Variants in GNL3L observed in about 807,000 individuals in gnomAD.
GNL3L encodes G protein nucleolar 3 like, also known as guanine nucleotide-binding protein-like 3-like protein.
GNL3L carries 4 observed loss-of-function variants against 42.9 expected under a neutral mutation model. The ratio of observed to expected loss-of-function variants is 0.09; its 90% CI spans 0.05 to 0.21. The LOEUF (loss-of-function observed/expected upper bound fraction) is 0.21, where lower values mean the gene tolerates loss of function less well. Ranked by LOEUF, GNL3L falls within the 10% of genes least tolerant of loss-of-function variation. GNL3L has a pLI of 1.00. For missense variants in GNL3L, 412 were observed against 481.7 expected, an observed-to-expected ratio of 0.86 and a Z score of 1.36; for synonymous variants, 159 against 176.3, an observed-to-expected ratio of 0.90 and a Z score of 0.78.
the GNL3L span, among the ~76,000 whole-genome samples, chrX:54,630,710 T>C: frequency 1.9e-5 from 1 of 53,545 alleles, no homozygotes; most frequent in South Asian, 1.1e-3. Flanking sequence ...TTCTTTCTTT[T>C]TCTTTCTTTC....
At chrX:54,620,425 A>G (rs1926273072) in intron 16 of GNL3L, among the ~76,000 whole-genome samples, 1 of 111,842 alleles carries the variant, frequency 8.9e-6, no homozygotes, top group African/African-American at 3.3e-5. Context: ...TTCACTTAAC[A>G]TAATGGCCTC....
intron 16 of GNL3L, among the ~76,000 whole-genome samples, chrX:54,604,169 T>A (rs2147528687): frequency 9.0e-6 from 1 of 111,470 alleles, no homozygotes; most frequent in South Asian, 3.8e-4. Context: ...AAAGGAAATA[T>A]GTGCCAGGCA....
chrX:54,573,034 C>G (rs1367685737), intron 16 of GNL3L, among the ~76,000 whole-genome samples: 1 of 109,313 alleles, frequency 9.1e-6, no homozygotes, highest in Non-Finnish European at 1.9e-5. Flanking sequence ...GGATGGCGGC[C>G]GGGCAGAGAC....
Position 54,612,476 on chromosome X carries a change from T to C in GNL3L, c.*46-8369T>C, listed in dbSNP as rs1175443699. On this transcript the variant is annotated intron_variant, in intron 16 of 16. Transcript: ENST00000674498. The stretch of plus-strand genomic sequence containing the variant: ...TTGTTGCCCATGTACTTTGATTTTT[T>C]TGTTTTTTGTTTTTGCTTTTTAACA... Among the ~76,000 whole-genome samples, 5 of 111,756 alleles carry C rather than the reference T, an allele frequency of 4.5e-5. No individual in the cohort carries two copies. The Admixed American group carries it at 4.8e-4, about 11-fold the overall frequency.
chrX:54,641,306 A>G, the GNL3L span, among the ~76,000 whole-genome samples: 2 of 110,994 alleles, frequency 1.8e-5, no homozygotes, highest in Non-Finnish European at 3.8e-5. Context: ...AGAAGGCCAT[A>G]AAAGTCTGTC....
chrX:54,532,174 A>C (rs1924268292), intron 1 of GNL3L, among the ~76,000 whole-genome samples: 1 of 110,085 alleles, frequency 9.1e-6, no homozygotes, highest in Non-Finnish European at 1.9e-5. Context: ...GGTGTTGAGC[A>C]CTAGTCCCCT....
exon 17 of GNL3L, among the ~76,000 whole-genome samples, chrX:54,621,246 G>A (rs1332031368): frequency 8.9e-6 from 1 of 112,108 alleles, no homozygotes; most frequent in African/African-American, 3.2e-5. Context: ...GCTTTTGCCT[G>A]ATTAATTGGA....
the GNL3L span, among the ~76,000 whole-genome samples, chrX:54,635,463 C>T: frequency 9.0e-6 from 1 of 111,427 alleles, no homozygotes; most frequent in Non-Finnish European, 1.9e-5. Context: ...GCCATAATTT[C>T]CTATTTCTTT....
downstream of GNL3L, among the ~76,000 whole-genome samples, chrX:54,625,847 A>G (rs1204315020): frequency 9.2e-6 from 1 of 108,790 alleles, no homozygotes; most frequent in South Asian, 3.9e-4. Context: ...AGTTTTTATA[A>G]CATGACAAAA....
chrX:54,553,519 C>T (rs1010784158), intron 13 of GNL3L, among the ~76,000 whole-genome samples: 1 of 111,899 alleles, frequency 8.9e-6, no homozygotes. Context: ...AGCAAGTCAG[C>T]CCCCTTTCTG....
chrX:54,564,402 C>CTTTTTTTTTTTTTTT lies in GNL3L; in HGVS notation c.*3806_*3820dup, dbSNP rs567172499. 5.3e-4 allele frequency among the ~76,000 whole-genome samples: 43 copies of CTTTTTTTTTTTTTTT among 80,791 alleles called. No individual in the cohort carries two copies. The highest frequency in any genetic ancestry group is 2.0e-3 in the African/African-American group (41 of 20,076). The allele number at this position is 80,791 out of a possible 115,157, so 70.2% of individuals were successfully genotyped here. A position where few individuals can be genotyped will look rare whatever the true frequency, so the allele number is the denominator to read the frequency against. On this transcript the variant is annotated 3_prime_UTR_variant, in exon 16 of 16. Coordinates refer to ENST00000360845, the MANE Select transcript of GNL3L (RefSeq NM_001184819.2). ...AGTCACTGGTTTTTTTCTTCGTTCTCTTTTTTTTTTTTTTTTTTTTGAGAC... is the reference window on the plus strand; with the variant it reads ...AGTCACTGGTTTTTTTCTTCGTTCTCTTTTTTTTTTTTTTTTTTTTTTTTTTTTTTTTTTTGAGAC...
downstream of GNL3L, among the ~76,000 whole-genome samples, chrX:54,567,782 G>A (rs759896454): frequency 3.6e-3 from 396 of 110,751 alleles, 1 homozygote; most frequent in Non-Finnish European, 5.7e-3. Context: ...AGGTGCTAAG[G>A]GTTTGTTTTA....
At chrX:54,640,898 CG>C in the GNL3L span, among the ~76,000 whole-genome samples, 8 of 111,835 alleles carry the variant, frequency 7.2e-5, no homozygotes, top group African/African-American at 2.6e-4. Flanking sequence ...ACCAAAGGTT[CG>C]GGGACAACTT....
chrX:54,587,835 C>T (rs929955947), intron 16 of GNL3L, among the ~76,000 whole-genome samples: 2 of 110,617 alleles, frequency 1.8e-5, no homozygotes, highest in Non-Finnish European at 3.8e-5. Flanking sequence ...CACCTACCAT[C>T]ATGTCCAGTT....
rs756422499 is a variant in GNL3L at position 54,612,608 on chromosome X, TGTAGTG to T, written c.*46-8234_*46-8229del. Among the ~76,000 whole-genome samples, 349 of 112,208 alleles carry T rather than the reference TGTAGTG, an allele frequency of 3.1e-3. 3 individuals carry two copies. The highest frequency in any genetic ancestry group is 0.011 in the African/African-American group (330 of 30,922). On this transcript the variant is annotated intron_variant, in intron 16 of 16. Transcript: ENST00000674498. ...ATTTAGAGTTCCTTTTAGCAATTCCTGTAGTGGTGGCTTGGTAATGGTGAATTCTCT... is the reference window on the plus strand; with the variant it reads ...ATTTAGAGTTCCTTTTAGCAATTCCTGTGGCTTGGTAATGGTGAATTCTCT...
downstream of GNL3L, among the ~76,000 whole-genome samples, chrX:54,569,351 A>G (rs1241813150): frequency 3.6e-5 from 4 of 111,700 alleles, no homozygotes; most frequent in East Asian, 8.4e-4. Context: ...TAAGACTACA[A>G]TTTCAATTTT....
chrX:54,610,005 G>A (rs1926143767), intron 16 of GNL3L, among the ~76,000 whole-genome samples: 1 of 112,082 alleles, frequency 8.9e-6, no homozygotes. Flanking sequence ...CCATTTGTTT[G>A]TGTCATCTGT....
chrX:54,621,999 C>G (rs1926291472), downstream of GNL3L, among the ~76,000 whole-genome samples: 1 of 110,818 alleles, frequency 9.0e-6, no homozygotes, highest in Non-Finnish European at 1.9e-5. Flanking sequence ...CTTTACTTCC[C>G]TAATTTCAAC....
intron 2 of GNL3L, among the ~76,000 whole-genome samples, chrX:54,537,663 A>G (rs1198730264): frequency 9.0e-6 from 1 of 111,188 alleles, no homozygotes; most frequent in Admixed American, 9.6e-5. Context: ...TATGTTGCCT[A>G]GGCTGTTCTC....
Sources: gnomAD v4.1 joint callset for allele counts (sites outside exome capture counted in the v4.1 genomes callset) on GRCh38, gnomAD v4.1.1 for gene constraint, MANE v1.5 for transcripts, NCBI Gene and HGNC (gene_info 2026-07-23, HGNC 2026-07-21) for gene names.